Variants in PPM1F observed in about 807,000 individuals in gnomAD.
PPM1F encodes the protein protein phosphatase, Mg2+/Mn2+ dependent 1F, also known as protein phosphatase 1F.
A neutral mutation model predicts 35.5 loss-of-function variants in PPM1F; 17 were observed. The observed-to-expected ratio is 0.48, with a 90% CI of 0.33 to 0.72. The LOEUF is 0.72. Ranked by LOEUF, PPM1F falls within the 30% of genes least tolerant of loss-of-function variation. The pLI, the probability that PPM1F is intolerant of heterozygous loss-of-function variation, is 0.02. For synonymous variants in PPM1F, 241 were observed against 255.5 expected, an observed-to-expected ratio of 0.94 and a Z score of 0.54; for missense variants, 521 against 613.0, an observed-to-expected ratio of 0.85 and a Z score of 1.59.
At chr22:21,946,755 C>G (rs538682875) in intron 1 of PPM1F, 3 of 152,364 alleles carry the variant, frequency 2.0e-5, no homozygotes, top group East Asian at 3.9e-4. Flanking sequence ...CACCATCGAG[C>G]CTATTCAATG....
chr22:21,922,114 C>A lies in PPM1F; in HGVS notation c.*978G>T, dbSNP rs1711728789. The A allele has an allele frequency of 6.6e-6, 1 of 152,638 alleles. No homozygotes were observed. Among genetic ancestry groups the A allele is most frequent in the South Asian group, 2.1e-4 (1 of 4,836 alleles). The allele number at this position is 152,638 out of a possible 1,614,324, so 9.5% of individuals were successfully genotyped here. ...AAACCTCAATGGGCCTATCCGAGCC[C>A]ACTGCAGTCCTAGTTTCTTCAAAGC... On this transcript the variant is annotated 3_prime_UTR_variant, in exon 8 of 8. Coordinates refer to ENST00000263212, the MANE Select transcript of PPM1F (RefSeq NM_014634.4).
chr22:21,925,734 G>C, intron 6 of PPM1F, 72 bp from the exon 7 acceptor site: 1 of 1,264,336 alleles, frequency 7.9e-7, no homozygotes, highest in Non-Finnish European at 1.1e-6. Context: ...TGCTACCTGA[G>C]CAGAGGCACA....
Position 21,939,483 on chromosome 22 carries a change from G to C in PPM1F, c.355+49C>G. The C allele has an allele frequency of 6.2e-7, 1 of 1,605,102 alleles. No individual in the cohort carries two copies. Among genetic ancestry groups the C allele is most frequent in the East Asian group, 2.2e-5 (1 of 44,798 alleles). On this transcript the variant is annotated intron_variant, in intron 3 of 7. Transcript: ENST00000263212. The surrounding 1 kb of genome is among the most constrained non-coding windows in gnomAD (Gnocchi z 5.1). ...GCTTCCCACAATGTCGTCACCCTTTGTTGCCTGCTAAGCAGCCCTGGGGCC... is the reference window on the plus strand; with the variant it reads ...GCTTCCCACAATGTCGTCACCCTTTCTTGCCTGCTAAGCAGCCCTGGGGCC...
At position 21,933,417 on chromosome 22, in the gene PPM1F, T is replaced by G. The variant is rs746390865; in HGVS notation, c.721A>C (p.Met241Leu). 1.2e-6 allele frequency: 2 copies of G among 1,611,766 alleles called. No individual in the cohort carries two copies. Among genetic ancestry groups the G allele is most frequent in the East Asian group, 4.5e-5 (2 of 44,862 alleles). ...LREAFRRTDQMFLRKAKRERL... is the reference protein window; with the variant it reads ...LREAFRRTDQLFLRKAKRERL... The stretch of plus-strand genomic sequence containing the variant: ...TCTCGCTTGGCTTTCCTGAGAAACA[T>G]CTGGTCGGTGCGCCGGAAGGCTTCT... The change falls in exon 5 of 8, where the codon ATG (methionine) becomes CTG (leucine). Residue 241 changes from methionine (M) to leucine (L), a missense_variant. This residue lies in a region of PPM1F where 311 missense variants were observed against 351.5 expected (regional missense o/e 0.88). Transcript: ENST00000263212.
chr22:21,945,909 G>A lies in PPM1F; in HGVS notation c.140C>T (p.Thr47Met), dbSNP rs142942577. 568 of 1,612,950 alleles carry A rather than the reference G, an allele frequency of 3.5e-4. 4 individuals carry two copies. The East Asian group carries it at 9.8e-3, about 28-fold the overall frequency. ...CTCCACCTCCTCCTGGCTGAGCACC[G>A]TCCCTGGGGCCTTCCATGGCAGAGG... The part of the protein sequence containing the change: ...EDPLPWKAPG[T>M]VLSQEEVEGE... Residue 47 changes from threonine (T) to methionine (M), a missense_variant, in exon 2 of 8, where the codon ACG becomes ATG. Thr to Met is a moderately conservative substitution (Grantham distance 81). This residue lies in a region of PPM1F where 311 missense variants were observed against 351.5 expected (regional missense o/e 0.88). Coordinates refer to ENST00000263212, the MANE Select transcript of PPM1F (RefSeq NM_014634.4).
intron 6 of PPM1F, among the ~76,000 whole-genome samples, chr22:21,928,630 T>C (rs1004104309): frequency 6.6e-6 from 1 of 152,076 alleles, no homozygotes; most frequent in African/African-American, 2.4e-5. Context: ...TTGCCAAGGC[T>C]GGAGTGCAGT....
chr22:21,939,783 C>T lies in PPM1F; in HGVS notation c.207-103G>A, dbSNP rs933808286. On this transcript the variant is annotated intron_variant, in intron 2 of 7. Transcript: ENST00000263212. The surrounding 1 kb of genome is among the most constrained non-coding windows in gnomAD (Gnocchi z 5.1). Reference sequence around the variant, plus strand: ...CCACATGCTGAGGGGTCACGGCCAGCAGGGCGGCCCCTGTCCTCAGGGAGC... The same window carrying T: ...CCACATGCTGAGGGGTCACGGCCAGTAGGGCGGCCCCTGTCCTCAGGGAGC... The T allele has an allele frequency of 1.7e-5, 24 of 1,380,232 alleles. No homozygotes were observed. The South Asian group carries it at 3.2e-4, about 18-fold the overall frequency. The allele number at this position is 1,380,232 out of a possible 1,614,324, so 85.5% of individuals were successfully genotyped here. A position where few individuals can be genotyped will look rare whatever the true frequency, so the allele number is the denominator to read the frequency against.
chr22:21,923,246 T>A lies in PPM1F; in HGVS notation c.1211A>T (p.Asp404Val). Residue 404 changes from aspartate to valine, a missense_variant, in exon 8 of 8, where the codon GAC becomes GTC. By Grantham distance (152) the Asp-to-Val change is radical (BLOSUM62 -3). Coordinates refer to ENST00000263212, the MANE Select transcript of PPM1F (RefSeq NM_014634.4). ...GAAGACCACCATGACCGTGATGTTG[T>A]CGTGGGAGCCCCGCTCCCGGGCCGC... ...VAAARERGSH[D>V]NITVMVVFLR... The A allele has an allele frequency of 6.2e-7, 1 of 1,613,338 alleles. No homozygotes were observed. The highest frequency in any genetic ancestry group is 8.5e-7 in the Non-Finnish European group (1 of 1,179,904).
chr22:21,934,004 G>A lies in PPM1F; in HGVS notation c.558+20C>T. On this transcript the variant is annotated intron_variant, in intron 4 of 7. Coordinates refer to ENST00000263212, the MANE Select transcript of PPM1F (RefSeq NM_014634.4). ...CCGGTCCTCCGAAGCTGTCCCCAGG[G>A]TCTGGACGGGAGCACTCACAGACAA... 2.0e-6 allele frequency: 3 copies of A among 1,533,980 alleles called. No homozygotes were observed. Among genetic ancestry groups the A allele is most frequent in the Non-Finnish European group, 2.6e-6 (3 of 1,134,640 alleles).
Position 21,922,939 on chromosome 22 carries a change from T to C in PPM1F, c.*153A>G, listed in dbSNP as rs2145788932. ...CAGTTCCACAGCCACCAGGACGGGC[T>C]GCGGGGGGTGTCCCGACTGGCTCTG... On this transcript the variant is annotated 3_prime_UTR_variant, in exon 8 of 8. Transcript: ENST00000263212. The C allele has an allele frequency of 8.6e-6, 8 of 933,876 alleles. No individual in the cohort carries two copies. The South Asian group carries it at 1.0e-4, about 12-fold the overall frequency. The allele number at this position is 933,876 out of a possible 1,614,324, so 57.8% of individuals were successfully genotyped here.
At chr22:21,928,835 C>T (rs201400061) in intron 6 of PPM1F, among the ~76,000 whole-genome samples, 2 of 145,742 alleles carry the variant, frequency 1.4e-5, no homozygotes, top group East Asian at 4.0e-4. Context: ...CGGCTCCATT[C>T]CATTCATCTC....
At chr22:21,947,947 G>C in intron 1 of PPM1F, 1 of 152,216 alleles carries the variant, frequency 6.6e-6, no homozygotes, top group East Asian at 1.9e-4. Context: ...TGGAATGCAA[G>C]GGGTGAAGGG....
intron 3 of PPM1F, chr22:21,938,027 T>C: frequency 1.7e-6 from 2 of 1,153,162 alleles, no homozygotes; most frequent in South Asian, 3.0e-5. Context: ...TCTACTTCCG[T>C]GACAGGGAGA....
chr22:21,945,824 T>TG lies in PPM1F; in HGVS notation c.206+18dup, dbSNP rs1322209110. 6.2e-7 allele frequency: 1 copy of TG among 1,604,026 alleles called. No individual in the cohort carries two copies. ...CCGTGCCCTTACTCCCCGTCCCCTTTGGGGGTGCACAGGCCTACCTGCTGC... is the reference window on the plus strand; with the variant it reads ...CCGTGCCCTTACTCCCCGTCCCCTTTGGGGGGTGCACAGGCCTACCTGCTGC... On this transcript the variant is annotated intron_variant, in intron 2 of 7. Coordinates refer to ENST00000263212, the MANE Select transcript of PPM1F (RefSeq NM_014634.4).
intron 6 of PPM1F, among the ~76,000 whole-genome samples, chr22:21,930,599 G>T (rs540952468): frequency 6.6e-6 from 1 of 152,184 alleles, no homozygotes; most frequent in African/African-American, 2.4e-5. Context: ...GAAAAGTGGG[G>T]TTTGAGGGAT....
At chr22:21,947,631 G>T (rs2070790246) in intron 1 of PPM1F, 1 of 152,150 alleles carries the variant, frequency 6.6e-6, no homozygotes, top group African/African-American at 2.4e-5. Flanking sequence ...GGACTTCCAG[G>T]TTCTGAAAAC....
chr22:21,946,050 C>G lies in PPM1F; in HGVS notation c.-2G>C. ...CTTCTGTGGGGCTCCAGAGGACATG[C>G]CCAAAGCATCCCGGGGGCCTGCAGC... is the stretch of plus-strand genomic sequence containing the variant. On this transcript the variant is annotated 5_prime_UTR_variant, in exon 2 of 8. Coordinates refer to ENST00000263212, the MANE Select transcript of PPM1F (RefSeq NM_014634.4). 1 of 1,511,430 alleles carries G rather than the reference C, an allele frequency of 6.6e-7. No homozygotes were observed. The highest frequency in any genetic ancestry group is 8.9e-7 in the Non-Finnish European group (1 of 1,126,954). The allele number at this position is 1,511,430 out of a possible 1,614,324, so 93.6% of individuals were successfully genotyped here.
intron 2 of PPM1F, chr22:21,942,391 C>T (rs1273527002): frequency 6.6e-6 from 1 of 152,382 alleles, no homozygotes; most frequent in Non-Finnish European, 1.5e-5. Flanking sequence ...CTGCCTCAGC[C>T]TCCTGAGTAG....
intron 2 of PPM1F, among the ~76,000 whole-genome samples, chr22:21,940,893 CTG>C (rs1479621997): frequency 2.0e-5 from 3 of 152,116 alleles, no homozygotes; most frequent in South Asian, 2.1e-4. Flanking sequence ...TGCCATTGGT[CTG>C]TGTTTTATTT....
Sources: gnomAD v4.1 joint callset for allele counts (sites outside exome capture counted in the v4.1 genomes callset) on GRCh38, gnomAD v4.1.1 for gene constraint, gnomAD v4.1.1 regional missense constraint, Gnocchi (gnomAD v3.1) non-coding constraint, MANE v1.5 for transcripts, NCBI Gene and HGNC (gene_info 2026-07-23, HGNC 2026-07-21) for gene names.